Variants in CADM2 observed in about 807,000 individuals in gnomAD.
CADM2 encodes cell adhesion molecule 2, also known as immunoglobulin superfamily member 4D.
A neutral mutation model predicts 49.8 loss-of-function variants in CADM2; 12 were observed. The observed-to-expected ratio is 0.24, with a 90% CI of 0.15 to 0.39. CADM2 has a LOEUF of 0.39. CADM2 is among the 10% of genes least tolerant of loss of function. The pLI is 1.00. For synonymous variants in CADM2, 214 were observed against 175.4 expected, an observed-to-expected ratio of 1.22 and a Z score of -1.74; for missense variants, 378 against 492.3, an observed-to-expected ratio of 0.77 and a Z score of 2.20.
At chr3:85,332,393 A>C (rs947101118) in intron 1 of CADM2, among the ~76,000 whole-genome samples, 5 of 152,024 alleles carry the variant, frequency 3.3e-5, no homozygotes, top group Non-Finnish European at 5.9e-5. Flanking sequence ...TAGGGAGATC[A>C]GAGCTTATTA....
At chr3:85,096,476 A>G (rs188284654) in intron 1 of CADM2, among the ~76,000 whole-genome samples, 13 of 152,286 alleles carry the variant, frequency 8.5e-5, no homozygotes, top group Admixed American at 2.6e-4. Context: ...ATCTTATTAA[A>G]TATGTCTAGA....
intron 1 of CADM2, among the ~76,000 whole-genome samples, chr3:85,143,000 T>A (rs1038929422): frequency 1.3e-5 from 2 of 152,222 alleles, no homozygotes; most frequent in Non-Finnish European, 2.9e-5. Flanking sequence ...GCAAATTTTC[T>A]TAGCAAATTT....
At chr3:85,573,553 A>G (rs73137895) in intron 1 of CADM2, among the ~76,000 whole-genome samples, 46,464 of 151,972 alleles carry the variant, frequency 0.31, 8,077 homozygotes, top group East Asian at 0.55. Flanking sequence ...AACTACTATC[A>G]GTGTAACATT....
intron 1 of CADM2, among the ~76,000 whole-genome samples, chr3:85,119,198 G>A (rs2038755916): frequency 6.6e-6 from 1 of 152,130 alleles, no homozygotes; most frequent in African/African-American, 2.4e-5. Context: ...GATCACTTGA[G>A]CCCAGAAGTT....
chr3:85,123,108 CT>C (rs1481434173), intron 1 of CADM2, among the ~76,000 whole-genome samples: 3 of 152,138 alleles, frequency 2.0e-5, no homozygotes, highest in South Asian at 2.1e-4. Context: ...TTTTTTCCTA[CT>C]TTTTTTCCCA....
intron 1 of CADM2, among the ~76,000 whole-genome samples, chr3:85,300,985 G>T (rs2044084248): frequency 6.6e-6 from 1 of 152,096 alleles, no homozygotes; most frequent in African/African-American, 2.4e-5. Flanking sequence ...AGCAAACCAA[G>T]TTCCTACTGG....
intron 1 of CADM2, among the ~76,000 whole-genome samples, chr3:85,587,618 T>G (rs2062980833): frequency 1.3e-5 from 2 of 152,114 alleles, no homozygotes; most frequent in African/African-American, 4.8e-5. Context: ...ACCAAATGAC[T>G]GTCCCTTTTC....
At chr3:85,600,568 G>A (rs755718264) in intron 1 of CADM2, among the ~76,000 whole-genome samples, 21 of 151,790 alleles carry the variant, frequency 1.4e-4, no homozygotes, top group Non-Finnish European at 2.4e-4. Context: ...CATGAGGTAT[G>A]CATTCAAAAG....
chr3:85,913,863 G>A (rs937254083), intron 6 of CADM2, among the ~76,000 whole-genome samples: 4 of 152,096 alleles, frequency 2.6e-5, no homozygotes, highest in Non-Finnish European at 5.9e-5. Context: ...TATGTGTGTT[G>A]GTGTAATGCA....
intron 7 of CADM2, among the ~76,000 whole-genome samples, chr3:85,961,110 T>A (rs1022343589): frequency 2.0e-5 from 3 of 149,596 alleles, no homozygotes; most frequent in Non-Finnish European, 3.0e-5. Context: ...TCCAAATACA[T>A]CTGAGGAAGA....
At chr3:84,973,907 AAT>A (rs2031640027) in intron 1 of CADM2, among the ~76,000 whole-genome samples, 1 of 152,142 alleles carries the variant, frequency 6.6e-6, no homozygotes, top group African/African-American at 2.4e-5. Flanking sequence ...ACTTTTATTC[AAT>A]ATGTTTGAAA....
In CADM2 at chr3:85,890,860, A is replaced by G. The variant is rs868072327; in HGVS notation, c.529+4533A>G. On this transcript the variant is annotated intron_variant, in intron 5 of 9. Transcript: ENST00000383699. Reference sequence around the variant, plus strand: ...GACACTTTGAAGAAATGAATTTCATATATCTATGCAGAGTAACAGCATGTG... The same window carrying G: ...GACACTTTGAAGAAATGAATTTCATGTATCTATGCAGAGTAACAGCATGTG... 1.1e-4 allele frequency among the ~76,000 whole-genome samples: 16 copies of G among 152,274 alleles called. No homozygotes were observed. In the South Asian group the frequency reaches 3.1e-3, roughly 30 times the overall value.
At chr3:85,667,192 A>C (rs1233252581) in intron 1 of CADM2, among the ~76,000 whole-genome samples, 8 of 152,008 alleles carry the variant, frequency 5.3e-5, no homozygotes, top group Non-Finnish European at 1.2e-4. Flanking sequence ...CTTTAAATTC[A>C]CACTACATAA....
At chr3:85,958,904 T>A (rs951623972) in intron 7 of CADM2, among the ~76,000 whole-genome samples, 1 of 151,496 alleles carries the variant, frequency 6.6e-6, no homozygotes, top group Non-Finnish European at 1.5e-5. Context: ...GTTGCAGGGT[T>A]GGGGGTGAGG....
At position 85,548,372 on chromosome 3, in the gene CADM2, A is replaced by G. The variant is rs184874008; in HGVS notation, c.62-178150A>G. Among the ~76,000 whole-genome samples, 22 of 151,746 alleles carry G rather than the reference A, an allele frequency of 1.4e-4. No homozygotes were observed. The East Asian group carries it at 3.4e-3, about 24-fold the overall frequency. On this transcript the variant is annotated intron_variant, in intron 1 of 9. Transcript: ENST00000383699. ...CCATAGTCTAAGATGTTTAGCTAAT[A>G]TGAAACTGTTTTAGCCTGTGGCTTT... is the stretch of plus-strand genomic sequence containing the variant.
chr3:85,234,661 G>T (rs2107821001), intron 1 of CADM2, among the ~76,000 whole-genome samples: 1 of 152,188 alleles, frequency 6.6e-6, no homozygotes, highest in East Asian at 1.9e-4. Flanking sequence ...TAGACACGTG[G>T]TAAATACTGG....
intron 1 of CADM2, among the ~76,000 whole-genome samples, chr3:85,172,279 T>C (rs1336113374): frequency 6.6e-6 from 1 of 152,204 alleles, no homozygotes; most frequent in African/African-American, 2.4e-5. Flanking sequence ...ATCTTCACTT[T>C]TGTTTGTTCA....
chr3:85,910,546 G>T (rs1717442125), intron 5 of CADM2, among the ~76,000 whole-genome samples: 2 of 151,988 alleles, frequency 1.3e-5, no homozygotes, highest in African/African-American at 4.8e-5. Flanking sequence ...CTTAGTAAAT[G>T]ACTTTAGTAA....
intron 1 of CADM2, among the ~76,000 whole-genome samples, chr3:85,416,160 A>G (rs547309938): frequency 6.6e-6 from 1 of 152,248 alleles, no homozygotes; most frequent in East Asian, 1.9e-4. Context: ...TGTAATGTGA[A>G]TAAAGCTCAG....
Sources: gnomAD v4.1 joint callset for allele counts (sites outside exome capture counted in the v4.1 genomes callset) on GRCh38, gnomAD v4.1.1 for gene constraint, MANE v1.5 for transcripts, NCBI Gene and HGNC (gene_info 2026-07-23, HGNC 2026-07-21) for gene names.